RANBP2: variants seen among roughly 807,000 people sequenced by gnomAD.
RANBP2 encodes RAN binding protein 2, also known as E3 SUMO-protein ligase RanBP2.
RANBP2 carries 57 observed loss-of-function variants against 303.6 expected under a neutral mutation model. That is an observed-to-expected ratio of 0.19 (90% CI 0.15 to 0.23). RANBP2 has a LOEUF of 0.23. RANBP2 is among the 10% of genes least tolerant of loss of function. The pLI is 1.00. For synonymous variants in RANBP2, 1,167 were observed against 1,301.5 expected (o/e 0.90, Z 2.23); for missense variants, 3,138 against 3,780.8 (o/e 0.83, Z 4.46).
At chr2:109,033,706 A>C in the RANBP2 span, among the ~76,000 whole-genome samples, 2 of 151,926 alleles carry the variant, frequency 1.3e-5, no homozygotes, top group Non-Finnish European at 2.9e-5. Context: ...TAATCCCAGC[A>C]CTTTGGGAGG....
At chr2:108,797,108 A>G in the RANBP2 span, among the ~76,000 whole-genome samples, 1 of 152,332 alleles carries the variant, frequency 6.6e-6, no homozygotes, top group South Asian at 2.1e-4. Context: ...GGTTGGGAAC[A>G]ATTAGCATAT....
At chr2:109,522,621 G>C in the RANBP2 span, among the ~76,000 whole-genome samples, 1 of 144,802 alleles carries the variant, frequency 6.9e-6, no homozygotes. Flanking sequence ...TTCCAGGCTG[G>C]TCTCAAACTC....
the RANBP2 span, among the ~76,000 whole-genome samples, chr2:109,575,007 A>T: frequency 6.6e-6 from 1 of 152,278 alleles, no homozygotes; most frequent in Non-Finnish European, 1.5e-5. Context: ...TGAAAATATT[A>T]GCTGAAATGC....
the RANBP2 span, among the ~76,000 whole-genome samples, chr2:109,422,833 G>A: frequency 1.3e-5 from 2 of 152,318 alleles, no homozygotes; most frequent in South Asian, 4.2e-4. Context: ...CTGATGTGAA[G>A]GACCGGAGGA....
the RANBP2 span, among the ~76,000 whole-genome samples, chr2:109,242,417 G>A: frequency 6.6e-6 from 1 of 152,168 alleles, no homozygotes; most frequent in African/African-American, 2.4e-5. Flanking sequence ...CCATAGAGCA[G>A]CCCGTGCCTA....
chr2:109,362,233 G>A, the RANBP2 span, among the ~76,000 whole-genome samples: 17 of 151,896 alleles, frequency 1.1e-4, no homozygotes, highest in African/African-American at 3.1e-4. Flanking sequence ...CTACTTTTGC[G>A]GCATCTCACA....
chr2:109,606,472 A>G, the RANBP2 span, among the ~76,000 whole-genome samples: 1 of 152,110 alleles, frequency 6.6e-6, no homozygotes, highest in African/African-American at 2.4e-5. Context: ...TGCCATGGTG[A>G]ATGCACTTCA....
At position 108,733,507 on chromosome 2, in the gene RANBP2, A is replaced by T. The variant is rs532594048; in HGVS notation, c.406-2025A>T. ...ATTGTTCAGCTGCTATGAACAATCA[A>T]GTACAGATTTTTGAAGCTGAAAAAG... On this transcript the variant is annotated intron_variant, in intron 4 of 28. Transcript: ENST00000283195. 4.2e-3 allele frequency among the ~76,000 whole-genome samples: 645 copies of T among 152,272 alleles called. 4 individuals carry two copies. Among genetic ancestry groups the T allele is most frequent in the Middle Eastern group, 0.017 (5 of 294 alleles).
the RANBP2 span, among the ~76,000 whole-genome samples, chr2:108,889,562 T>TC: frequency 6.6e-6 from 1 of 152,142 alleles, no homozygotes; most frequent in African/African-American, 2.4e-5. Flanking sequence ...TTTCTTTTTT[T>TC]TTTTTCACTG....
the RANBP2 span, among the ~76,000 whole-genome samples, chr2:109,164,431 G>C: frequency 2.0e-5 from 3 of 152,172 alleles, no homozygotes; most frequent in Non-Finnish European, 4.4e-5. Context: ...CAGTTCTCCT[G>C]CCTCAGCTTC....
chr2:109,485,632 A>G, the RANBP2 span, among the ~76,000 whole-genome samples: 1 of 152,270 alleles, frequency 6.6e-6, no homozygotes, highest in Non-Finnish European at 1.5e-5. Context: ...AAACGCCTTC[A>G]AAATTCTCCT....
the RANBP2 span, chr2:109,127,468 C>T: frequency 6.6e-6 from 1 of 152,210 alleles, no homozygotes; most frequent in Non-Finnish European, 1.5e-5. Flanking sequence ...TGTGTTAGTT[C>T]TGTGGATACA....
At chr2:109,262,612 G>A in the RANBP2 span, among the ~76,000 whole-genome samples, 114,418 of 152,194 alleles carry the variant, frequency 0.75, 43,524 homozygotes, top group East Asian at 0.9. Flanking sequence ...AAGAGCAATT[G>A]TATGTCTACA....
At chr2:108,890,844 T>A in the RANBP2 span, among the ~76,000 whole-genome samples, 1 of 152,214 alleles carries the variant, frequency 6.6e-6, no homozygotes, top group African/African-American at 2.4e-5. Flanking sequence ...TCATGAAGGC[T>A]TTACTCATTC....
chr2:109,112,081 C>T, the RANBP2 span, among the ~76,000 whole-genome samples: 33 of 151,606 alleles, frequency 2.2e-4, no homozygotes, highest in South Asian at 1.7e-3. Flanking sequence ...TGAATAGTGC[C>T]GCAATAAACA....
the RANBP2 span, among the ~76,000 whole-genome samples, chr2:109,326,178 G>C: frequency 1.3e-5 from 2 of 152,206 alleles, no homozygotes; most frequent in African/African-American, 2.4e-5. Context: ...GAATATTACA[G>C]ATTTAGCCTC....
chr2:109,283,311 C>T, the RANBP2 span, among the ~76,000 whole-genome samples: 2 of 152,192 alleles, frequency 1.3e-5, no homozygotes, highest in Non-Finnish European at 1.5e-5. Flanking sequence ...TGTGGGCCTG[C>T]TGGACACCTG....
intron 1 of RANBP2, among the ~76,000 whole-genome samples, chr2:108,723,878 A>G (rs151080137): frequency 6.8e-6 from 1 of 147,854 alleles, no homozygotes; most frequent in East Asian, 1.9e-4. Context: ...AATCCCATCA[A>G]TTGCAGCTTA....
rs756566036 is a variant in RANBP2, at chr2:108,763,428, T to G, written c.2889T>G (p.Asn963Lys). The G allele has an allele frequency of 6.2e-7, 1 of 1,613,996 alleles. No individual in the cohort carries two copies. The highest frequency in any genetic ancestry group is 1.1e-5 in the South Asian group (1 of 91,082). The change falls in exon 20 of 29, where the codon AAT becomes AAG. Residue 963 changes from asparagine to lysine, a missense_variant. Around this residue, in one of 20 missense-constraint regions of RANBP2, gnomAD observed 403 missense variants for 376.7 expected, o/e 1.07. Coordinates refer to ENST00000283195, the MANE Select transcript of RANBP2 (RefSeq NM_006267.5). ...ILSPRGDDYF[N>K]YNVQQTSTNP... ...CGCCCAGGGGTGATGATTACTTTAATTACAATGTTCAACAGACAAGCACAA... is the reference window on the plus strand; with the variant it reads ...CGCCCAGGGGTGATGATTACTTTAAGTACAATGTTCAACAGACAAGCACAA...
Sources: allele counts gnomAD v4.1 joint callset (sites outside exome capture counted in the v4.1 genomes callset), GRCh38; gene constraint gnomAD v4.1.1; regional missense constraint gnomAD v4.1.1; transcripts MANE v1.5; gene names NCBI Gene and HGNC (gene_info 2026-07-23, HGNC 2026-07-21).